The following LIPJ variants were observed in gnomAD, a reference collection of about 807,000 sequenced individuals.
LIPJ encodes the protein lipase member J.
Under a neutral mutation model 39.8 loss-of-function variants are expected in LIPJ, and 33 were observed. That is an observed-to-expected ratio of 0.83 (90% CI 0.63 to 1.11). The LOEUF (loss-of-function observed/expected upper bound fraction) is 1.11, where lower values mean the gene tolerates loss of function less well. Ranked by LOEUF, LIPJ falls within the 50% of genes least tolerant of loss-of-function variation. LIPJ has a pLI of 0.00. For missense variants in LIPJ, 422 were observed against 427.9 expected (o/e 0.99, Z 0.12); for synonymous variants, 128 against 139.2 (o/e 0.92, Z 0.57).
At chr10:88,618,712 G>A in the LIPJ span, 3 of 158,126 alleles carry the variant, frequency 1.9e-5, no homozygotes, top group African/African-American at 7.2e-5. Context: ...GCAGTTGCCA[G>A]CTTTTTTTGC....
chr10:88,588,728 C>CT (rs1409742940), intron 2 of LIPJ, among the ~76,000 whole-genome samples: 2 of 151,862 alleles, frequency 1.3e-5, no homozygotes, highest in Non-Finnish European at 2.9e-5. Context: ...ATATTTTACA[C>CT]TGCTTTAGCT....
At chr10:88,604,399 G>T (rs1243055369) in intron 9 of LIPJ, among the ~76,000 whole-genome samples, 1 of 152,204 alleles carries the variant, frequency 6.6e-6, no homozygotes, top group East Asian at 1.9e-4. Context: ...CACATTGGCT[G>T]CTATGTTGAG....
chr10:88,583,918 A>T, upstream of LIPJ: 1 of 175,234 alleles, frequency 5.7e-6, no homozygotes, highest in Non-Finnish European at 1.1e-5. Flanking sequence ...ATAAAGATGA[A>T]CAACAAGAGA....
intron 6 of LIPJ, among the ~76,000 whole-genome samples, chr10:88,596,059 A>G (rs1851242961): frequency 6.6e-6 from 1 of 151,656 alleles, no homozygotes; most frequent in East Asian, 1.9e-4. Flanking sequence ...ATCATTCTTT[A>G]TGGTCTATAC....
upstream of LIPJ, chr10:88,582,934 T>C (rs1196913037): frequency 2.1e-6 from 2 of 965,304 alleles, no homozygotes; most frequent in South Asian, 2.1e-5. Flanking sequence ...ACTCGGCGCA[T>C]GGGCCGCGCT....
upstream of LIPJ, chr10:88,584,443 G>T (rs929707441): frequency 1.3e-5 from 2 of 152,106 alleles, no homozygotes; most frequent in African/African-American, 2.4e-5. Flanking sequence ...ATTATTCAAA[G>T]TCTTAAAGAC....
chr10:88,620,132 G>A, the LIPJ span, among the ~76,000 whole-genome samples: 12 of 151,544 alleles, frequency 7.9e-5, no homozygotes, highest in African/African-American at 2.7e-4. Flanking sequence ...AGGGACCTTC[G>A]GCAAAATAAC....
rs1172136489 is a variant in LIPJ at position 88,599,061 on chromosome 10, G to C, written c.723+2125G>C. Among the ~76,000 whole-genome samples, 4 of 147,962 alleles carry C rather than the reference G, an allele frequency of 2.7e-5. No individual in the cohort carries two copies. In the East Asian group the frequency reaches 7.8e-4, roughly 29 times the overall value. ...AGAGGACATGATAAATACCTGAGAA[G>C]AATGTTTCTGTTAAAAATTTCTGTA... is the stretch of plus-strand genomic sequence containing the variant. On this transcript the variant is annotated intron_variant, in intron 8 of 10. Transcript: ENST00000371939.
At chr10:88,585,764 C>T (rs1193648983), upstream of LIPJ, 1 of 152,120 alleles carries the variant, frequency 6.6e-6, no homozygotes, top group Non-Finnish European at 1.5e-5. Flanking sequence ...GGATTATTAC[C>T]GTAGCTTTCT....
chr10:88,594,776 G>T, exon 6 of LIPJ: 2 of 1,347,766 alleles, frequency 1.5e-6, no homozygotes, highest in Admixed American at 2.3e-5. Context: ...TACTACTATT[G>T]GTATGCCAAG....
At chr10:88,589,843 G>A (rs1235315150) in intron 2 of LIPJ, among the ~76,000 whole-genome samples, 2 of 151,736 alleles carry the variant, frequency 1.3e-5, no homozygotes, top group Non-Finnish European at 3.0e-5. Flanking sequence ...GTTGCATTTT[G>A]TAGGCAGGGA....
At chr10:88,621,299 T>C in the LIPJ span, among the ~76,000 whole-genome samples, 1 of 152,194 alleles carries the variant, frequency 6.6e-6, no homozygotes, top group Non-Finnish European at 1.5e-5. Flanking sequence ...CAGAGTGTGG[T>C]ACATCCATAC....
chr10:88,582,988 G>C, upstream of LIPJ: 1 of 1,468,778 alleles, frequency 6.8e-7, no homozygotes. Flanking sequence ...TTTCGCCTTA[G>C]ACTTTCTTGG....
upstream of LIPJ, among the ~76,000 whole-genome samples, chr10:88,586,138 A>G (rs1380677924): frequency 6.6e-6 from 1 of 152,062 alleles, no homozygotes; most frequent in Non-Finnish European, 1.5e-5. Flanking sequence ...TCTCCCTATG[A>G]TCATACGCTC....
chr10:88,594,032 T>G (rs766117486), exon 5 of LIPJ: 1 of 1,612,450 alleles, frequency 6.2e-7, no homozygotes, highest in Non-Finnish European at 8.5e-7. Context: ...TAGTCTGGGC[T>G]TCATTCTGGC....
downstream of LIPJ, among the ~76,000 whole-genome samples, chr10:88,607,716 A>C (rs893082667): frequency 5.3e-5 from 8 of 152,230 alleles, no homozygotes; most frequent in African/African-American, 1.9e-4. Flanking sequence ...TAAATGCAAC[A>C]CATATAATAG....
chr10:88,609,418 A>C (rs1028390163), downstream of LIPJ, among the ~76,000 whole-genome samples: 2 of 152,248 alleles, frequency 1.3e-5, no homozygotes, highest in Admixed American at 6.5e-5. Context: ...AGTGGTTTCA[A>C]ATGATCCTTC....
In LIPJ at chr10:88,590,716, ATCTGGACTGCTGAAATAACAGAGAATGC is replaced by A. The variant is rs745779450; in HGVS notation, c.9+22_9+49del. On this transcript the variant is annotated intron_variant, in intron 3 of 10. Transcript: ENST00000371939. ...AATATTGTAAGTTGTTAGAAAATAA[ATCTGGACTGCTGAAATAACAGAGAATGC>A]TACTTTTCAAATTTGGAATTTTAAC... is the stretch of plus-strand genomic sequence containing the variant. 3 of 1,581,814 alleles carry A rather than the reference ATCTGGACTGCTGAAATAACAGAGAATGC, an allele frequency of 1.9e-6. No individual in the cohort carries two copies. In the South Asian group the frequency reaches 3.4e-5, roughly 18 times the overall value.
chr10:88,608,898 G>A (rs1326731207), downstream of LIPJ, among the ~76,000 whole-genome samples: 1 of 152,178 alleles, frequency 6.6e-6, no homozygotes, highest in African/African-American at 2.4e-5. Context: ...TTTGCATAGG[G>A]TGTACAACAA....
Sources: allele counts gnomAD v4.1 joint callset (sites outside exome capture counted in the v4.1 genomes callset), GRCh38; gene constraint gnomAD v4.1.1; transcripts MANE v1.5; gene names NCBI Gene and HGNC (gene_info 2026-07-23, HGNC 2026-07-21).